Variants in TNKS observed in about 807,000 individuals in gnomAD.
TNKS encodes tankyrase, also known as poly [ADP-ribose] polymerase tankyrase-1.
A neutral mutation model predicts 135.8 loss-of-function variants in TNKS; 72 were observed. That is an observed-to-expected ratio of 0.53 (90% CI 0.44 to 0.64). The LOEUF is 0.64. TNKS is among the 30% of genes least tolerant of loss of function. The pLI is 0.00. For missense variants in TNKS, 1,769 were observed against 1,674.0 expected (o/e 1.06, Z -0.99); for synonymous variants, 849 against 649.3 (o/e 1.31, Z -4.68).
chr8:9,754,844 A>C lies in TNKS; in HGVS notation c.3153+2218A>C, dbSNP rs550754096. On this transcript the variant is annotated intron_variant, in intron 20 of 26. Transcript: ENST00000310430. ...TGTCTATAAAATCATTTTCTTTTCC[A>C]ACCATTTATTCATCCTCTGGTTTGG... Among the ~76,000 whole-genome samples, 11 of 152,232 alleles carry C rather than the reference A, an allele frequency of 7.2e-5. 1 individual carries two copies. Among genetic ancestry groups the C allele is most frequent in the African/African-American group, 2.6e-4 (11 of 41,540 alleles).
At chr8:9,661,513 G>C (rs1221612178) in intron 3 of TNKS, among the ~76,000 whole-genome samples, 1 of 152,002 alleles carries the variant, frequency 6.6e-6, no homozygotes, top group African/African-American at 2.4e-5. Flanking sequence ...AATGGTGCTG[G>C]GAAAACTGGC....
intron 20 of TNKS, among the ~76,000 whole-genome samples, chr8:9,756,079 A>G (rs1806819227): frequency 6.6e-6 from 1 of 152,156 alleles, no homozygotes; most frequent in Non-Finnish European, 1.5e-5. Flanking sequence ...GATTTTATTT[A>G]CACTGCAATT....
At chr8:9,725,017 T>G (rs1805092514) in intron 12 of TNKS, among the ~76,000 whole-genome samples, 1 of 152,216 alleles carries the variant, frequency 6.6e-6, no homozygotes, top group South Asian at 2.1e-4. Flanking sequence ...CTAAAAATAT[T>G]ACCTGTAGAT....
Position 9,556,338 on chromosome 8 carries a change from T to C in TNKS, c.399T>C (p.Ser133=). Residue 133 remains serine, a synonymous_variant, in exon 1 of 27, where the codon TCT becomes TCC. Coordinates refer to ENST00000310430, the MANE Select transcript of TNKS (RefSeq NM_003747.3). Reference sequence around the variant, plus strand: ...GTAACAATTCACCGTCGTCCTCTTCTTCCCCGACTTCTTCCTCATCTTCCT... The same window carrying C: ...GTAACAATTCACCGTCGTCCTCTTCCTCCCCGACTTCTTCCTCATCTTCCT... ...SGSNNSPSSS[S]SPTSSSSSSP... is the part of the protein sequence containing the mutation. 1 of 1,614,232 alleles carries C rather than the reference T, an allele frequency of 6.2e-7. No individual in the cohort carries two copies. Among genetic ancestry groups the C allele is most frequent in the Non-Finnish European group, 8.5e-7 (1 of 1,180,036 alleles).
chr8:9,733,343 A>G lies in TNKS; in HGVS notation c.2212A>G (p.Arg738Gly), dbSNP rs1206674370. The G allele has an allele frequency of 1.1e-5, 18 of 1,607,272 alleles. No individual in the cohort carries two copies. Among genetic ancestry groups the G allele is most frequent in the Non-Finnish European group, 1.5e-5 (18 of 1,178,038 alleles). Residue 738 changes from arginine (R) to glycine (G), a missense_variant, in exon 15 of 27, where the codon AGG (arginine) becomes GGG (glycine). This residue lies in a region of TNKS where 69 missense variants were observed against 120.3 expected (regional missense o/e 0.57). Coordinates refer to ENST00000310430, the MANE Select transcript of TNKS (RefSeq NM_003747.3). ...CTATGAGGTGGCTGAGCTTTTAGTA[A>G]GGCATGGGGCTTCTGTCAATGTGGC... ...GHYEVAELLV[R>G]HGASVNVADL...
At chr8:9,655,904 ATGAGT>A (rs1801344613) in intron 3 of TNKS, among the ~76,000 whole-genome samples, 1 of 152,224 alleles carries the variant, frequency 6.6e-6, no homozygotes, top group Admixed American at 6.5e-5. Context: ...AATGGCCTTG[ATGAGT>A]TGAGAGAAGA....
At chr8:9,576,320 T>C (rs1054646393) in intron 1 of TNKS, among the ~76,000 whole-genome samples, 1 of 152,094 alleles carries the variant, frequency 6.6e-6, no homozygotes, top group Admixed American at 6.5e-5. Flanking sequence ...AGAGTTTTAA[T>C]TGACTCATAG....
At chr8:9,599,322 T>C (rs867876822) in intron 2 of TNKS, among the ~76,000 whole-genome samples, 7 of 152,318 alleles carry the variant, frequency 4.6e-5, no homozygotes, top group African/African-American at 1.4e-4. Context: ...AGAGTGTTTA[T>C]TGAGTTCTTG....
intron 11 of TNKS, among the ~76,000 whole-genome samples, chr8:9,713,394 C>T (rs1020410672): frequency 2.6e-5 from 4 of 152,114 alleles, no homozygotes; most frequent in East Asian, 1.9e-4. Context: ...TTTATTGTCT[C>T]CCATCAGGCA....
chr8:9,765,580 A>G (rs1223065928), intron 23 of TNKS, 112 bp from the exon 24 acceptor site: 2 of 802,464 alleles, frequency 2.5e-6, no homozygotes, highest in African/African-American at 3.5e-5. Flanking sequence ...CTTTTAAATT[A>G]TGTCTTAAGC....
chr8:9,579,510 C>T (rs1798088409), intron 1 of TNKS, among the ~76,000 whole-genome samples: 1 of 151,876 alleles, frequency 6.6e-6, no homozygotes, highest in Admixed American at 6.6e-5. Flanking sequence ...GCACTATTGC[C>T]CAGGCTGGAA....
At chr8:9,602,879 T>C (rs544720078) in intron 2 of TNKS, among the ~76,000 whole-genome samples, 158 of 152,318 alleles carry the variant, frequency 1.0e-3, no homozygotes, top group South Asian at 5.6e-3. Flanking sequence ...ATCTGTTGTA[T>C]ATTTTATACT....
intron 17 of TNKS, chr8:9,741,803 C>T (rs763963303): frequency 6.4e-6 from 3 of 468,228 alleles, no homozygotes; most frequent in African/African-American, 3.9e-5. Flanking sequence ...TTGAGGCTGA[C>T]TTGCTGTCAC....
At position 9,651,452 on chromosome 8, in the gene TNKS, G is replaced by A. The variant is rs142612601; in HGVS notation, c.995-28499G>A. Among the ~76,000 whole-genome samples, 96 of 152,276 alleles carry A rather than the reference G, an allele frequency of 6.3e-4. 1 individual carries two copies. The highest frequency in any genetic ancestry group is 2.0e-3 in the African/African-American group (82 of 41,552). On this transcript the variant is annotated intron_variant, in intron 3 of 26. Transcript: ENST00000310430. ...CAAAGTTAAATTTATTTCGCTTGTT[G>A]CCTCAAGGGAGGACACACCCAGAAG...
At chr8:9,607,654 A>G (rs954199866) in intron 2 of TNKS, among the ~76,000 whole-genome samples, 2 of 152,174 alleles carry the variant, frequency 1.3e-5, no homozygotes, top group African/African-American at 4.8e-5. Flanking sequence ...GTGAGGCCTA[A>G]CTTGTTAACA....
At chr8:9,681,990 A>G (rs75135826) in intron 5 of TNKS, among the ~76,000 whole-genome samples, 1,875 of 152,276 alleles carry the variant, frequency 0.012, 36 homozygotes, top group African/African-American at 0.041. Flanking sequence ...ATATCAAGCC[A>G]TAAACTAGCA....
intron 26 of TNKS, among the ~76,000 whole-genome samples, chr8:9,770,773 G>A (rs954239525): frequency 6.6e-6 from 1 of 152,184 alleles, no homozygotes; most frequent in African/African-American, 2.4e-5. Context: ...CTTCAGTCAT[G>A]GGCAGGGTAG....
intron 21 of TNKS, among the ~76,000 whole-genome samples, chr8:9,762,606 C>T (rs1177619578): frequency 6.6e-6 from 1 of 151,980 alleles, no homozygotes; most frequent in Non-Finnish European, 1.5e-5. Context: ...AGCTCTGTAA[C>T]AACAGATAAA....
At chr8:9,770,436 T>C (rs916236626) in intron 26 of TNKS, among the ~76,000 whole-genome samples, 174 bp downstream of exon 26, 23 of 152,266 alleles carry the variant, frequency 1.5e-4, no homozygotes, top group African/African-American at 5.5e-4. Flanking sequence ...ATCAACTTTT[T>C]ACCTAAAACC....
Sources: gnomAD v4.1 joint callset for allele counts (sites outside exome capture counted in the v4.1 genomes callset) on GRCh38, gnomAD v4.1.1 for gene constraint, gnomAD v4.1.1 regional missense constraint, MANE v1.5 for transcripts, NCBI Gene and HGNC (gene_info 2026-07-23, HGNC 2026-07-21) for gene names.